The following ADAMTSL1 variants were observed in gnomAD, a reference collection of about 807,000 sequenced individuals.
ADAMTSL1 encodes the protein ADAMTS-like protein 1.
A neutral mutation model predicts 201.8 loss-of-function variants in ADAMTSL1; 126 were observed. The observed-to-expected ratio is 0.62, with a 90% CI of 0.54 to 0.72. The LOEUF (loss-of-function observed/expected upper bound fraction) is 0.72, where lower values mean the gene tolerates loss of function less well. ADAMTSL1 is among the 30% of genes least tolerant of loss of function. The pLI, the probability that ADAMTSL1 is intolerant of heterozygous loss-of-function variation, is 0.00. For synonymous variants in ADAMTSL1, 1,121 were observed against 903.4 expected (o/e 1.24, Z -4.32); for missense variants, 2,679 against 2,277.8 (o/e 1.18, Z -3.59).
chr9:18,887,787 C>A (rs1172497053), intron 23 of ADAMTSL1, 44 bp from the exon 24 acceptor site: 5 of 1,543,256 alleles, frequency 3.2e-6, no homozygotes. Context: ...GCAATGTGTT[C>A]CTTATGGCTT....
intron 2 of ADAMTSL1, among the ~76,000 whole-genome samples, chr9:18,447,434 A>G (rs1820234779): frequency 6.6e-6 from 1 of 152,162 alleles, no homozygotes; most frequent in African/African-American, 2.4e-5. Context: ...ACTCATTGAA[A>G]TAATGGGGAA....
chr9:18,355,322 T>C (rs1391582862), intron 2 of ADAMTSL1, among the ~76,000 whole-genome samples: 2 of 152,198 alleles, frequency 1.3e-5, no homozygotes, highest in African/African-American at 2.4e-5. Flanking sequence ...TTAAATTTTT[T>C]ATAACAAGTC....
At chr9:18,264,466 A>G (rs550895631) in intron 2 of ADAMTSL1, among the ~76,000 whole-genome samples, 15 of 152,282 alleles carry the variant, frequency 9.9e-5, no homozygotes, top group Middle Eastern at 6.8e-3. Context: ...TCCCATTCAG[A>G]ATAACAACCT....
At chr9:18,348,877 C>T (rs1299929103) in intron 2 of ADAMTSL1, among the ~76,000 whole-genome samples, 1 of 152,092 alleles carries the variant, frequency 6.6e-6, no homozygotes, top group Non-Finnish European at 1.5e-5. Flanking sequence ...TAAAACATAA[C>T]TCCTACATAA....
chr9:18,846,934 C>T (rs773740651), intron 23 of ADAMTSL1, among the ~76,000 whole-genome samples: 2 of 152,130 alleles, frequency 1.3e-5, no homozygotes, highest in Non-Finnish European at 2.9e-5. Context: ...GTGGTGGTGA[C>T]ACATCCCAGA....
chr9:18,844,646 G>A (rs1318970060), intron 23 of ADAMTSL1, among the ~76,000 whole-genome samples: 2 of 152,240 alleles, frequency 1.3e-5, no homozygotes, highest in East Asian at 1.9e-4. Flanking sequence ...CAGAGGTGGA[G>A]CCTACAGAGG....
At chr9:18,244,782 G>A (rs2132464894) in intron 2 of ADAMTSL1, among the ~76,000 whole-genome samples, 1 of 152,162 alleles carries the variant, frequency 6.6e-6, no homozygotes, top group South Asian at 2.1e-4. Context: ...TACTCCTAAT[G>A]AGTCATGCTC....
At chr9:18,482,699 C>T (rs1821789719) in intron 1 of ADAMTSL1, among the ~76,000 whole-genome samples, 1 of 152,208 alleles carries the variant, frequency 6.6e-6, no homozygotes, top group African/African-American at 2.4e-5. Context: ...GCCTCCTTTG[C>T]TGGCTGTAAT....
At chr9:18,008,924 C>T (rs568254352) in intron 1 of ADAMTSL1, among the ~76,000 whole-genome samples, 2 of 151,942 alleles carry the variant, frequency 1.3e-5, no homozygotes, top group Non-Finnish European at 2.9e-5. Flanking sequence ...ATCATTAGAT[C>T]GTTTGTCTAG....
At chr9:18,724,507 G>C (rs940473770) in intron 15 of ADAMTSL1, among the ~76,000 whole-genome samples, 3 of 152,190 alleles carry the variant, frequency 2.0e-5, no homozygotes, top group African/African-American at 7.2e-5. Flanking sequence ...TATTCTGACT[G>C]TTCCAATTTG....
At chr9:18,882,756 A>G (rs1173487595) in intron 23 of ADAMTSL1, among the ~76,000 whole-genome samples, 3 of 152,044 alleles carry the variant, frequency 2.0e-5, no homozygotes, top group Admixed American at 6.6e-5. Flanking sequence ...CACTTTGGGA[A>G]GCTGAGGAGG....
intron 2 of ADAMTSL1, among the ~76,000 whole-genome samples, chr9:18,306,196 C>T (rs1295383883): frequency 6.6e-6 from 1 of 152,156 alleles, no homozygotes; most frequent in Non-Finnish European, 1.5e-5. Context: ...AGATCACCAA[C>T]ATCAAAGACC....
intron 27 of ADAMTSL1, 117 bp downstream of exon 27, chr9:18,906,008 A>G: frequency 2.2e-6 from 2 of 905,644 alleles, no homozygotes; most frequent in Non-Finnish European, 3.4e-6. Flanking sequence ...CCTGCCTGGG[A>G]CTCCATCTCC....
chr9:18,767,807 C>T (rs1172032857), intron 16 of ADAMTSL1, among the ~76,000 whole-genome samples: 1 of 152,122 alleles, frequency 6.6e-6, no homozygotes, highest in South Asian at 2.1e-4. Flanking sequence ...CAGAAGAGCC[C>T]ACAGAGTCAC....
At chr9:18,606,886 A>G (rs942462730) in intron 4 of ADAMTSL1, among the ~76,000 whole-genome samples, 3 of 152,144 alleles carry the variant, frequency 2.0e-5, no homozygotes, top group African/African-American at 7.2e-5. Context: ...ATTGTGGCTC[A>G]CAGTATTTAT....
At chr9:18,475,475 T>C (rs1296384184) in intron 1 of ADAMTSL1, among the ~76,000 whole-genome samples, 1 of 152,164 alleles carries the variant, frequency 6.6e-6, no homozygotes, top group East Asian at 1.9e-4. Context: ...TTCTTAATGA[T>C]TTGCATCATT....
chr9:17,919,682 A>G (rs571646552), intron 1 of ADAMTSL1, among the ~76,000 whole-genome samples: 8 of 152,074 alleles, frequency 5.3e-5, no homozygotes, highest in Non-Finnish European at 1.2e-4. Context: ...GTATTATTCC[A>G]TTGTATGAAT....
chr9:18,770,380 C>T (rs1588076840), intron 16 of ADAMTSL1, among the ~76,000 whole-genome samples: 1 of 152,172 alleles, frequency 6.6e-6, no homozygotes, highest in South Asian at 2.1e-4. Flanking sequence ...TTCCTGGATG[C>T]TCTAGTTAAA....
At chr9:18,130,869 G>A (rs1825922828) in intron 1 of ADAMTSL1, among the ~76,000 whole-genome samples, 1 of 152,100 alleles carries the variant, frequency 6.6e-6, no homozygotes, top group African/African-American at 2.4e-5. Context: ...CAGTGGTTTG[G>A]CAGCTTAAGT....
Sources: allele counts gnomAD v4.1 joint callset (sites outside exome capture counted in the v4.1 genomes callset), GRCh38; gene constraint gnomAD v4.1.1; transcripts MANE v1.5; gene names NCBI Gene and HGNC (gene_info 2026-07-23, HGNC 2026-07-21).